TP63: variants seen among roughly 807,000 people sequenced by gnomAD.
TP63 encodes tumor protein p63.
Under a neutral mutation model 82.8 loss-of-function variants are expected in TP63, and 17 were observed. The observed-to-expected ratio is 0.21, with a 90% confidence interval of 0.14 to 0.31. The LOEUF (loss-of-function observed/expected upper bound fraction) is 0.31. Among genes scored for constraint, TP63 ranks in the 10% least tolerant of loss-of-function variants. The pLI, the probability that TP63 is intolerant of heterozygous loss-of-function variation, is 1.00. For missense variants in TP63, 648 were observed against 895.3 expected (o/e 0.72, Z 3.52); for synonymous variants, 330 against 321.7 (o/e 1.03, Z -0.28).
chr3:189,808,643 T>C, intron 4 of TP63, 117 bp downstream of exon 4: 2 of 1,579,094 alleles, frequency 1.3e-6, no homozygotes, highest in South Asian at 1.1e-5. Flanking sequence ...GGTGGAAAAT[T>C]TGTCTTTGAA....
At chr3:189,774,262 GAAACAA>G (rs1221133057) in intron 3 of TP63, among the ~76,000 whole-genome samples, 10 of 152,168 alleles carry the variant, frequency 6.6e-5, no homozygotes, top group East Asian at 5.8e-4. Context: ...TGCTGAATAT[GAAACAA>G]AAACAAAAAC....
chr3:189,864,137 A>T, intron 4 of TP63, 95 bp from the exon 5 acceptor site: 1 of 1,547,668 alleles, frequency 6.5e-7, no homozygotes, highest in South Asian at 1.1e-5. Context: ...GCAGCTCTAA[A>T]AAGTGGACAG....
intron 4 of TP63, among the ~76,000 whole-genome samples, chr3:189,833,498 T>G (rs1250925650): frequency 6.6e-6 from 1 of 152,202 alleles, no homozygotes; most frequent in African/African-American, 2.4e-5. Flanking sequence ...ACCTGGGGAC[T>G]TATATGTATT....
chr3:189,774,868 A>G (rs907474068), intron 3 of TP63, among the ~76,000 whole-genome samples: 1 of 152,224 alleles, frequency 6.6e-6, no homozygotes, highest in Non-Finnish European at 1.5e-5. Context: ...TATTGAATAT[A>G]TTCTCAAGAC....
intron 4 of TP63, among the ~76,000 whole-genome samples, chr3:189,818,609 T>C (rs1447315445): frequency 6.6e-6 from 1 of 152,180 alleles, no homozygotes; most frequent in Admixed American, 6.5e-5. Context: ...TTGTATAATA[T>C]ATTCCTGTTA....
chr3:189,804,629 T>C (rs1302282903), intron 3 of TP63, among the ~76,000 whole-genome samples: 2 of 152,250 alleles, frequency 1.3e-5, no homozygotes, highest in Admixed American at 6.5e-5. Context: ...AATAAGAATA[T>C]TTTCTTTAAA....
chr3:189,754,448 A>T (rs945673643), intron 3 of TP63, among the ~76,000 whole-genome samples: 1 of 152,144 alleles, frequency 6.6e-6, no homozygotes, highest in Non-Finnish European at 1.5e-5. Flanking sequence ...CTTTAAATAG[A>T]TATTAAACAC....
chr3:189,848,140 G>A (rs989666477), intron 4 of TP63, among the ~76,000 whole-genome samples: 2 of 151,966 alleles, frequency 1.3e-5, no homozygotes, highest in African/African-American at 4.8e-5. Flanking sequence ...CCTCATCGGC[G>A]AATAAAGTGG....
chr3:189,848,771 G>A (rs1175013358), intron 4 of TP63, among the ~76,000 whole-genome samples: 6 of 152,150 alleles, frequency 3.9e-5, no homozygotes, highest in African/African-American at 1.4e-4. Context: ...CATTTTATCA[G>A]GGATGCACTC....
chr3:189,614,341 TAAGAAG>T, the TP63 span, among the ~76,000 whole-genome samples: 2 of 152,340 alleles, frequency 1.3e-5, no homozygotes, highest in South Asian at 2.1e-4. Context: ...TGCCACCATG[TAAGAAG>T]TGCTTTTTGC....
intron 1 of TP63, among the ~76,000 whole-genome samples, chr3:189,655,059 C>T (rs1331443668): frequency 6.6e-6 from 1 of 152,166 alleles, no homozygotes; most frequent in African/African-American, 2.4e-5. Flanking sequence ...CATAATTAAT[C>T]TCTTTATGGA....
intron 3 of TP63, among the ~76,000 whole-genome samples, chr3:189,757,568 G>A (rs1354320022): frequency 6.6e-6 from 1 of 152,140 alleles, no homozygotes; most frequent in Non-Finnish European, 1.5e-5. Context: ...TTTGGAAACA[G>A]TGAATTATTA....
intron 1 of TP63, among the ~76,000 whole-genome samples, chr3:189,736,860 A>G (rs140594360): frequency 0.011 from 1,649 of 152,190 alleles, 20 homozygotes; most frequent in South Asian, 0.04. Context: ...TAAGAACTTA[A>G]CTAATTTTAT....
the TP63 span, among the ~76,000 whole-genome samples, chr3:189,625,518 A>T: frequency 5.3e-5 from 8 of 152,208 alleles, no homozygotes; most frequent in Non-Finnish European, 7.3e-5. Flanking sequence ...AAAGGACATT[A>T]TTAAGACAAT....
chr3:189,642,713 C>T (rs1017332534), intron 1 of TP63, among the ~76,000 whole-genome samples: 4 of 151,968 alleles, frequency 2.6e-5, no homozygotes, highest in South Asian at 4.2e-4. Context: ...ATGAAGAAAT[C>T]GAAGCAGAGA....
the TP63 span, among the ~76,000 whole-genome samples, chr3:189,601,595 A>C: frequency 6.6e-6 from 1 of 152,190 alleles, no homozygotes; most frequent in Non-Finnish European, 1.5e-5. Flanking sequence ...TTATCCTTAG[A>C]ACATTGAAGT....
intron 4 of TP63, among the ~76,000 whole-genome samples, chr3:189,817,616 A>G (rs957726749): frequency 6.6e-6 from 1 of 152,140 alleles, no homozygotes; most frequent in Non-Finnish European, 1.5e-5. Flanking sequence ...AATCTGTATC[A>G]TAACGATGCT....
At chr3:189,818,920 A>G (rs994549617) in intron 4 of TP63, among the ~76,000 whole-genome samples, 2 of 152,288 alleles carry the variant, frequency 1.3e-5, no homozygotes, top group Admixed American at 1.3e-4. Context: ...GGAATTTGAG[A>G]ACATGATTTA....
At chr3:189,834,664 G>A (rs767426429) in intron 4 of TP63, among the ~76,000 whole-genome samples, 2 of 152,120 alleles carry the variant, frequency 1.3e-5, no homozygotes, top group Non-Finnish European at 2.9e-5. Flanking sequence ...CTTGCAGGTC[G>A]CTTTCATCTG....
Sources: gnomAD v4.1 joint callset for allele counts (sites outside exome capture counted in the v4.1 genomes callset) on GRCh38, gnomAD v4.1.1 for gene constraint, MANE v1.5 for transcripts, NCBI Gene and HGNC (gene_info 2026-07-23, HGNC 2026-07-21) for gene names.